COX10: variants seen among roughly 807,000 people sequenced by gnomAD.
The protein encoded by COX10 is protoheme IX farnesyltransferase, mitochondrial.
A neutral mutation model predicts 37.3 loss-of-function variants in COX10; 27 were observed. That is an observed-to-expected ratio of 0.72 (90% CI 0.53 to 1.00). The LOEUF is 1.00. COX10 is among the 50% of genes least tolerant of loss of function. COX10 has a pLI of 0.00. For synonymous variants in COX10, 222 were observed against 229.1 expected (o/e 0.97, Z 0.28); for missense variants, 475 against 563.2 (o/e 0.84, Z 1.59).
rs1364466211 is a variant in COX10, at chr17:14,207,198, G to T, written c.1317G>T (p.Gly439=). ...GGCCGAGCGGAGGCGGGGACGCAGG[G>T]CCCCCTCCCAGCTGAGAGCACTGGG... ...CKRPSGGGDA[G]PPPS The change falls in exon 7 of 7, where the codon GGG becomes GGT. Residue 439 remains glycine (G), a synonymous_variant. Coordinates refer to ENST00000261643, the MANE Select transcript of COX10 (RefSeq NM_001303.4). 2 of 1,596,338 alleles carry T rather than the reference G, an allele frequency of 1.3e-6. No homozygotes were observed. The highest frequency in any genetic ancestry group is 1.7e-6 in the Non-Finnish European group (2 of 1,173,968).
chr17:14,111,392 T>C (rs1161654242), intron 4 of COX10, among the ~76,000 whole-genome samples: 3 of 152,124 alleles, frequency 2.0e-5, no homozygotes, highest in African/African-American at 7.2e-5. Flanking sequence ...AATGATGGAA[T>C]GTAGAGATAG....
In COX10 at chr17:14,102,164, C is replaced by T. The variant is rs1265093705; in HGVS notation, c.546C>T (p.Gly182=). The change falls in exon 4 of 7, where the codon GGC becomes GGT. Residue 182 remains glycine (G), a synonymous_variant. Coordinates refer to ENST00000261643, the MANE Select transcript of COX10 (RefSeq NM_001303.4). ...TTAAGFALAP[G]PFDWPCFLLT... is the part of the protein sequence containing the mutation. ...CAGCTGGATTTGCATTGGCTCCGGG[C>T]CCTTTTGACTGGCCCTGTTTCCTGC... 5 of 1,613,614 alleles carry T rather than the reference C, an allele frequency of 3.1e-6. No individual in the cohort carries two copies. Among genetic ancestry groups the T allele is most frequent in the Admixed American group, 1.7e-5 (1 of 59,954 alleles).
At chr17:14,102,050 G>A (rs1454737412) in intron 3 of COX10, 68 bp from the exon 4 acceptor site, 1 of 1,600,324 alleles carries the variant, frequency 6.2e-7, no homozygotes, top group Non-Finnish European at 8.6e-7. Flanking sequence ...CTTGTTTTTT[G>A]TCGTTCTGGC....
intron 5 of COX10, among the ~76,000 whole-genome samples, chr17:14,165,065 T>A (rs1437140312): frequency 6.6e-6 from 1 of 152,218 alleles, no homozygotes; most frequent in African/African-American, 2.4e-5. Flanking sequence ...GAAAGATGAT[T>A]ATGATGCTCA....
At chr17:14,168,717 C>G (rs574986956) in intron 5 of COX10, among the ~76,000 whole-genome samples, 16 of 152,310 alleles carry the variant, frequency 1.1e-4, no homozygotes, top group Non-Finnish European at 1.6e-4. Context: ...TTAGCCCCAG[C>G]TGGAGCTGGA....
chr17:14,148,053 G>C (rs1361572674), intron 4 of COX10, among the ~76,000 whole-genome samples: 1 of 151,696 alleles, frequency 6.6e-6, no homozygotes, highest in African/African-American at 2.4e-5. Flanking sequence ...GTAGGATGTG[G>C]TACTTTGCCT....
chr17:14,137,090 A>G (rs1277550731), intron 4 of COX10, among the ~76,000 whole-genome samples: 3 of 151,932 alleles, frequency 2.0e-5, no homozygotes, highest in Non-Finnish European at 2.9e-5. Context: ...TGAGGATGCT[A>G]GAAGGCAGGC....
At chr17:14,117,604 C>A (rs557087057) in intron 4 of COX10, among the ~76,000 whole-genome samples, 1 of 152,332 alleles carries the variant, frequency 6.6e-6, no homozygotes, top group Admixed American at 6.5e-5. Flanking sequence ...GCTGCTCAAA[C>A]CCGGAGGGGG....
At chr17:14,128,827 A>G (rs1002445722) in intron 4 of COX10, among the ~76,000 whole-genome samples, 16 of 152,282 alleles carry the variant, frequency 1.1e-4, no homozygotes, top group African/African-American at 3.8e-4. Flanking sequence ...CGTTTCAAAA[A>G]TCTGTATTTC....
At chr17:14,072,246 G>A (rs1255422408) in intron 1 of COX10, among the ~76,000 whole-genome samples, 1 of 152,120 alleles carries the variant, frequency 6.6e-6, no homozygotes, top group Non-Finnish European at 1.5e-5. Flanking sequence ...TTGAGATGGA[G>A]TTTTACTCTT....
chr17:14,095,046 G>A (rs1364852015), intron 3 of COX10, among the ~76,000 whole-genome samples: 1 of 152,188 alleles, frequency 6.6e-6, no homozygotes, highest in African/African-American at 2.4e-5. Flanking sequence ...CACAGAAATT[G>A]CATCTTAAGT....
chr17:14,171,427 A>T (rs915904798), intron 5 of COX10, among the ~76,000 whole-genome samples: 8 of 151,922 alleles, frequency 5.3e-5, no homozygotes, highest in Non-Finnish European at 8.8e-5. Context: ...TGACTAAGGC[A>T]CACTTCTGTG....
chr17:14,074,306 TTCTC>T lies in COX10; in HGVS notation c.44-11_44-8del, dbSNP rs1357290242. On this transcript the variant is annotated splice_polypyrimidine_tract_variant and intron_variant, in intron 1 of 6. Coordinates refer to ENST00000261643, the MANE Select transcript of COX10 (RefSeq NM_001303.4). The stretch of plus-strand genomic sequence containing the variant: ...ACGAATCATTTAACCTTTCTTCCAC[TTCTC>T]TCTCTATTATAGGTTGCGTAGGAGG... The T allele has an allele frequency of 8.1e-6, 13 of 1,613,922 alleles. No individual in the cohort carries two copies. Among genetic ancestry groups the T allele is most frequent in the Non-Finnish European group, 1.0e-5 (12 of 1,179,940 alleles).
chr17:14,202,862 T>C (rs962614999), intron 6 of COX10, among the ~76,000 whole-genome samples: 2 of 152,134 alleles, frequency 1.3e-5, no homozygotes, highest in Non-Finnish European at 2.9e-5. Context: ...GCCTCCATGC[T>C]GTCTCAGAGG....
At chr17:14,175,388 T>C (rs576019265) in intron 5 of COX10, among the ~76,000 whole-genome samples, 9 of 152,018 alleles carry the variant, frequency 5.9e-5, no homozygotes, top group African/African-American at 2.2e-4. Flanking sequence ...TCTGCCTGCT[T>C]CACCTTGCAA....
chr17:14,125,734 A>T, intron 4 of COX10, among the ~76,000 whole-genome samples: 1 of 152,278 alleles, frequency 6.6e-6, no homozygotes, highest in East Asian at 1.9e-4. Flanking sequence ...TCAATACTTA[A>T]GTAGGGTAGA....
chr17:14,088,715 A>AG (rs2142191059), intron 3 of COX10, among the ~76,000 whole-genome samples: 1 of 152,328 alleles, frequency 6.6e-6, no homozygotes, highest in Admixed American at 6.5e-5. Context: ...AAACAAGTAA[A>AG]GGGTTTATAA....
At position 14,077,052 on chromosome 17, in the gene COX10, C is replaced by G; in HGVS notation, c.495C>G (p.Leu165=). 2.5e-6 allele frequency: 4 copies of G among 1,613,924 alleles called. No homozygotes were observed. The highest frequency in any genetic ancestry group is 3.4e-6 in the Non-Finnish European group (4 of 1,179,910). Residue 165 remains leucine, a synonymous_variant, in exon 3 of 7, where the codon CTC becomes CTG. Transcript: ENST00000261643. Reference sequence around the variant, plus strand: ...TGGCTCGACTATCCAAAATCAAACTCACAGGTACTTTGTTTTTCTGATATA... The same window carrying G: ...TGGCTCGACTATCCAAAATCAAACTGACAGGTACTTTGTTTTTCTGATATA... The part of the protein sequence containing the change: ...GILARLSKIK[L]TALVVSTTAA...
At chr17:14,075,644 G>A (rs1915126509) in intron 2 of COX10, among the ~76,000 whole-genome samples, 1 of 152,044 alleles carries the variant, frequency 6.6e-6, no homozygotes, top group Non-Finnish European at 1.5e-5. Context: ...GCTAGTAAGT[G>A]GTAGAGACTG....
Sources: gnomAD v4.1 joint callset for allele counts (sites outside exome capture counted in the v4.1 genomes callset) on GRCh38, gnomAD v4.1.1 for gene constraint, MANE v1.5 for transcripts, NCBI Gene and HGNC (gene_info 2026-07-23, HGNC 2026-07-21) for gene names.